ZNF331: variants seen among roughly 807,000 people sequenced by gnomAD.
ZNF331 encodes the protein zinc finger protein 331.
Under a neutral mutation model 7.0 loss-of-function variants are expected in ZNF331, and 2 were observed. The ratio of observed to expected loss-of-function variants is 0.29; its 90% confidence interval spans 0.12 to 0.90. The LOEUF (loss-of-function observed/expected upper bound fraction) is 0.90. Among genes scored for constraint, ZNF331 ranks in the 40% least tolerant of loss-of-function variants. The pLI is 0.58. For missense variants in ZNF331, 432 were observed against 587.7 expected (o/e 0.74, Z 2.74); for synonymous variants, 196 against 205.4 (o/e 0.95, Z 0.39).
At position 53,575,526 on chromosome 19, in the gene ZNF331, C is replaced by T. The variant is rs868286695; in HGVS notation, c.137-1171C>T. ...TTTTTTTTTTTTTTTTTTTTTGAGA[C>T]GGAGTCTTATTCAGTCGGCTCACTG... On this transcript the variant is annotated intron_variant, in intron 5 of 5. Coordinates refer to ENST00000449416, the MANE Select transcript of ZNF331 (RefSeq NM_001079906.2). Among the ~76,000 whole-genome samples the T allele has an allele frequency of 3.3e-4, 28 of 85,446 alleles. No homozygotes were observed. In the South Asian group the frequency reaches 4.8e-3, roughly 15 times the overall value. The allele number at this position is 85,446 out of a possible 152,430, so 56.1% of individuals were successfully genotyped here.
intron 3 of ZNF331, among the ~76,000 whole-genome samples, chr19:53,568,917 C>T (rs181313829): frequency 5.5e-4 from 77 of 140,134 alleles, no homozygotes; most frequent in African/African-American, 1.8e-3. Flanking sequence ...AGTGCAGTGA[C>T]GCAATCTCAG....
chr19:53,551,125 C>G (rs1386109198), intron 2 of ZNF331, among the ~76,000 whole-genome samples: 4 of 152,262 alleles, frequency 2.6e-5, no homozygotes, highest in African/African-American at 9.6e-5. Flanking sequence ...GCCACTGCGC[C>G]TGGCCAATCA....
At chr19:53,563,388 G>C (rs577275269) in intron 3 of ZNF331, among the ~76,000 whole-genome samples, 1 of 152,164 alleles carries the variant, frequency 6.6e-6, no homozygotes, top group South Asian at 2.1e-4. Flanking sequence ...ACCCAGCCAA[G>C]CTGGATTTTT....
In ZNF331 at chr19:53,559,719, A is replaced by G. The variant is rs561533861; in HGVS notation, c.-74+3811A>G. On this transcript the variant is annotated intron_variant, in intron 3 of 5. Coordinates refer to ENST00000449416, the MANE Select transcript of ZNF331 (RefSeq NM_001079906.2). ...ACACCCCATATATACACAGATATACACACCTACATATATACACATATACAC... is the reference window on the plus strand; with the variant it reads ...ACACCCCATATATACACAGATATACGCACCTACATATATACACATATACAC... Among the ~76,000 whole-genome samples, 23 of 111,112 alleles carry G rather than the reference A, an allele frequency of 2.1e-4. 2 individuals are homozygous for G. In the South Asian group the frequency reaches 6.3e-3, roughly 31 times the overall value. 72.9% of individuals were successfully genotyped at this position (111,112 alleles called of 152,430 possible). A position where few individuals can be genotyped will look rare whatever the true frequency, so the allele number is the denominator to read the frequency against.
chr19:53,557,934 C>T (rs2089541527), intron 3 of ZNF331, among the ~76,000 whole-genome samples: 1 of 152,180 alleles, frequency 6.6e-6, no homozygotes, highest in South Asian at 2.1e-4. Flanking sequence ...CCACCACACT[C>T]CAGCCTAGGT....
chr19:53,510,059 G>T, the ZNF331 span, among the ~76,000 whole-genome samples: 1 of 152,184 alleles, frequency 6.6e-6, no homozygotes, highest in Admixed American at 6.5e-5. Context: ...CCCCTGGCAC[G>T]TGGGGATTAC....
At chr19:53,548,995 C>T (rs2088809225) in intron 2 of ZNF331, among the ~76,000 whole-genome samples, 1 of 151,974 alleles carries the variant, frequency 6.6e-6, no homozygotes, top group Admixed American at 6.6e-5. Flanking sequence ...ATTACAGGCT[C>T]CTGCCACCAC....
intron 4 of ZNF331, among the ~76,000 whole-genome samples, chr19:53,570,333 T>A (rs1327450083): frequency 6.6e-6 from 1 of 150,800 alleles, no homozygotes. Context: ...GATCTTCCAG[T>A]ATGGAAGTAG....
At chr19:53,528,377 A>C (rs2147254250) in intron 2 of ZNF331, among the ~76,000 whole-genome samples, 1 of 152,376 alleles carries the variant, frequency 6.6e-6, no homozygotes. Context: ...CTAAAAATGG[A>C]TTAAGGGATA....
chr19:53,554,203 G>A (rs1379927516), intron 2 of ZNF331, among the ~76,000 whole-genome samples: 1 of 152,210 alleles, frequency 6.6e-6, no homozygotes, highest in Non-Finnish European at 1.5e-5. Flanking sequence ...GTGCGCCTGT[G>A]GCTTCGGGAG....
At chr19:53,521,361 T>TGTGTGTGTGTGTGA (rs1568454971) in exon 1 of ZNF331, 1 of 153,508 alleles carries the variant, frequency 6.5e-6, no homozygotes, top group Admixed American at 6.6e-5. Flanking sequence ...TGTGTGTGTG[T>TGTGTGTGTGTGTGA]GAATAAGCCA....
intron 3 of ZNF331, among the ~76,000 whole-genome samples, chr19:53,565,834 CT>C (rs200605972): frequency 0.011 from 1,724 of 151,964 alleles, 35 homozygotes; most frequent in African/African-American, 0.039. Context: ...TAGGAGTAGA[CT>C]TTTTAAGAAA....
At chr19:53,532,205 T>C (rs1438003932) in intron 2 of ZNF331, among the ~76,000 whole-genome samples, 7 of 152,186 alleles carry the variant, frequency 4.6e-5, no homozygotes, top group Non-Finnish European at 1.0e-4. Context: ...GCAGAATTTA[T>C]TCCTCCTCTC....
chr19:53,524,551 A>G (rs568289049), intron 2 of ZNF331, among the ~76,000 whole-genome samples: 2 of 152,322 alleles, frequency 1.3e-5, no homozygotes, highest in South Asian at 4.1e-4. Context: ...TGTTGGCTGC[A>G]TAGATGTCTT....
At chr19:53,530,340 G>A (rs775498742) in intron 2 of ZNF331, among the ~76,000 whole-genome samples, 1 of 150,726 alleles carries the variant, frequency 6.6e-6, no homozygotes, top group Non-Finnish European at 1.5e-5. Flanking sequence ...CCAGCACTGG[G>A]GATGACAGTT....
Position 53,539,961 on chromosome 19 carries a change from A to G in ZNF331, c.-138+679A>G, listed in dbSNP as rs1407230445. Among the ~76,000 whole-genome samples the G allele has an allele frequency of 1.3e-5, 2 of 152,244 alleles. No homozygotes were observed. The highest frequency in any genetic ancestry group is 6.5e-5 in the Admixed American group (1 of 15,284). On this transcript the variant is annotated intron_variant, in intron 2 of 5. Transcript: ENST00000449416. This position sits in a 1 kb window ranked among gnomAD's most constrained non-coding sequence, Gnocchi z 6.1. ...AGAAAAATGCACCTGACATAATATT[A>G]AACACTACTAATAGTTATTAACAAT... is the stretch of plus-strand genomic sequence containing the variant.
chr19:53,537,689 C>T (rs538753111), upstream of ZNF331: 1 of 152,344 alleles, frequency 6.6e-6, no homozygotes, highest in African/African-American at 2.4e-5. Context: ...TCTGGTTTCC[C>T]CCGACGGCCC....
intron 3 of ZNF331, among the ~76,000 whole-genome samples, chr19:53,567,933 G>A (rs1247841832): frequency 1.3e-5 from 2 of 152,002 alleles, no homozygotes; most frequent in African/African-American, 4.8e-5. Context: ...ACAAGGAAAG[G>A]ATACAGATTG....
At chr19:53,565,652 G>A (rs918276638) in intron 3 of ZNF331, among the ~76,000 whole-genome samples, 11 of 151,670 alleles carry the variant, frequency 7.3e-5, no homozygotes, top group Non-Finnish European at 1.0e-4. Context: ...TCAGCTTCCC[G>A]AGTAGCTGGG....
Sources: gnomAD v4.1 joint callset for allele counts (sites outside exome capture counted in the v4.1 genomes callset) on GRCh38, gnomAD v4.1.1 for gene constraint, Gnocchi (gnomAD v3.1) non-coding constraint, MANE v1.5 for transcripts, NCBI Gene and HGNC (gene_info 2026-07-23, HGNC 2026-07-21) for gene names.